LHFPL6: variants seen among roughly 807,000 people sequenced by gnomAD.
The protein encoded by LHFPL6 is LHFPL tetraspan subfamily member 6.
LHFPL6 carries 9 observed loss-of-function variants against 20.6 expected under a neutral mutation model. The ratio of observed to expected loss-of-function variants is 0.44; its 90% CI spans 0.26 to 0.76. LHFPL6 has a LOEUF of 0.76. LHFPL6 is among the 30% of genes least tolerant of loss of function. The pLI, the probability that LHFPL6 is intolerant of heterozygous loss-of-function variation, is 0.20. For missense variants in LHFPL6, 218 were observed against 253.5 expected (o/e 0.86, Z 0.95); for synonymous variants, 105 against 98.7 (o/e 1.06, Z -0.38).
chr13:39,548,611 A>T (rs1011472089), intron 2 of LHFPL6, among the ~76,000 whole-genome samples: 2 of 152,096 alleles, frequency 1.3e-5, no homozygotes, highest in Non-Finnish European at 2.9e-5. Context: ...CATGTCCAAA[A>T]TCATAATGCA....
intron 2 of LHFPL6, among the ~76,000 whole-genome samples, chr13:39,556,973 T>A (rs1871324282): frequency 6.6e-6 from 1 of 152,048 alleles, no homozygotes; most frequent in African/African-American, 2.4e-5. Context: ...AAATAAATAA[T>A]AAATAAATAA....
intron 2 of LHFPL6, among the ~76,000 whole-genome samples, chr13:39,503,708 T>C (rs1475176): frequency 0.31 from 47,676 of 152,094 alleles, 7,967 homozygotes; most frequent in Middle Eastern, 0.42. Flanking sequence ...AACCTTACTA[T>C]GTCTGTACAC....
At chr13:39,567,314 A>G (rs1367583297) in intron 2 of LHFPL6, among the ~76,000 whole-genome samples, 1 of 152,234 alleles carries the variant, frequency 6.6e-6, no homozygotes, top group Non-Finnish European at 1.5e-5. Flanking sequence ...ATTTTTTCTG[A>G]TAGCCAATAC....
intron 2 of LHFPL6, among the ~76,000 whole-genome samples, chr13:39,463,788 C>T (rs936610226): frequency 7.2e-5 from 11 of 152,152 alleles, no homozygotes; most frequent in African/African-American, 2.7e-4. Flanking sequence ...TATGTTGCAG[C>T]ACACTCATGC....
chr13:39,581,324 A>G (rs2138539312), intron 2 of LHFPL6, among the ~76,000 whole-genome samples: 1 of 152,292 alleles, frequency 6.6e-6, no homozygotes, highest in South Asian at 2.1e-4. Context: ...AATGTACATC[A>G]AAAGGTGCCA....
At chr13:39,520,380 A>C (rs555910669) in intron 2 of LHFPL6, among the ~76,000 whole-genome samples, 2 of 152,200 alleles carry the variant, frequency 1.3e-5, no homozygotes, top group East Asian at 3.9e-4. Flanking sequence ...CAACCCAAAC[A>C]AGAGTGTGTC....
At chr13:39,532,319 G>A (rs1870491779) in intron 2 of LHFPL6, among the ~76,000 whole-genome samples, 1 of 152,020 alleles carries the variant, frequency 6.6e-6, no homozygotes, top group Non-Finnish European at 1.5e-5. Context: ...CCCAACTGAT[G>A]TTTTCCATCT....
intron 3 of LHFPL6, among the ~76,000 whole-genome samples, chr13:39,354,559 A>G (rs1869677752): frequency 6.6e-6 from 1 of 152,182 alleles, no homozygotes; most frequent in Admixed American, 6.5e-5. Flanking sequence ...CTCAAATAAC[A>G]GACACAGAAT....
intron 2 of LHFPL6, among the ~76,000 whole-genome samples, chr13:39,453,886 T>G (rs1315305331): frequency 6.6e-6 from 1 of 152,206 alleles, no homozygotes; most frequent in Middle Eastern, 3.2e-3. Flanking sequence ...TCAATGCAGT[T>G]CTAGCCCATC....
At chr13:39,353,455 G>A (rs965315317) in intron 3 of LHFPL6, among the ~76,000 whole-genome samples, 5 of 151,920 alleles carry the variant, frequency 3.3e-5, no homozygotes, top group African/African-American at 9.7e-5. Flanking sequence ...GGCCGGGCGC[G>A]GTGGCTCATG....
intron 2 of LHFPL6, among the ~76,000 whole-genome samples, chr13:39,443,290 C>A (rs1872189233): frequency 6.6e-6 from 1 of 152,066 alleles, no homozygotes; most frequent in Non-Finnish European, 1.5e-5. Flanking sequence ...GCAAGAAGAC[C>A]CTCACAAGAT....
chr13:39,441,539 G>T (rs906243821), intron 2 of LHFPL6, among the ~76,000 whole-genome samples: 1 of 151,820 alleles, frequency 6.6e-6, no homozygotes, highest in Non-Finnish European at 1.5e-5. Flanking sequence ...TTGAGACAGG[G>T]TCTCACTTTG....
At chr13:39,544,831 T>C (rs1382573905) in intron 2 of LHFPL6, among the ~76,000 whole-genome samples, 1 of 152,102 alleles carries the variant, frequency 6.6e-6, no homozygotes, top group Non-Finnish European at 1.5e-5. Flanking sequence ...ATGGCTAATT[T>C]TGCATTGTTC....
At chr13:39,569,409 T>C (rs1222412759) in intron 2 of LHFPL6, among the ~76,000 whole-genome samples, 1 of 152,180 alleles carries the variant, frequency 6.6e-6, no homozygotes. Flanking sequence ...CATCAATCTA[T>C]TGGTCTCATT....
rs188741765 is a variant in LHFPL6 at position 39,560,796 on chromosome 13, T to G, written c.385+40036A>C. Among the ~76,000 whole-genome samples, 9 of 152,296 alleles carry G rather than the reference T, an allele frequency of 5.9e-5. No individual in the cohort carries two copies. In the East Asian group the frequency reaches 1.7e-3, roughly 30 times the overall value. Reference sequence around the variant, plus strand: ...TCCCAAAGTGCTAGGATTACAGGCGTGAGCCACCGCGCCCTGCTGGGTTAT... The same window carrying G: ...TCCCAAAGTGCTAGGATTACAGGCGGGAGCCACCGCGCCCTGCTGGGTTAT... On this transcript the variant is annotated intron_variant, in intron 2 of 3. Coordinates refer to ENST00000379589, the MANE Select transcript of LHFPL6 (RefSeq NM_005780.3).
chr13:39,344,164 G>T (rs1268881488), intron 3 of LHFPL6, 110 bp from the exon 4 acceptor site: 4 of 744,470 alleles, frequency 5.4e-6, no homozygotes, highest in Non-Finnish European at 8.9e-6. Flanking sequence ...TAGGAATATG[G>T]TATCCTCGCT....
At chr13:39,497,334 A>G (rs558932221) in intron 2 of LHFPL6, among the ~76,000 whole-genome samples, 1 of 152,322 alleles carries the variant, frequency 6.6e-6, no homozygotes, top group East Asian at 1.9e-4. Flanking sequence ...GAAAGAGCTG[A>G]TTTTATTCTC....
chr13:39,532,027 C>T lies in LHFPL6; in HGVS notation c.385+68805G>A, dbSNP rs544493379. Among the ~76,000 whole-genome samples the T allele has an allele frequency of 2.0e-5, 3 of 152,278 alleles. No homozygotes were observed. In the South Asian group the frequency reaches 6.2e-4, roughly 32 times the overall value. On this transcript the variant is annotated intron_variant, in intron 2 of 3. Transcript: ENST00000379589. ...AAGCCACATTTCAGCTGTATGCAAA[C>T]TATAATGCCAACAGCAGGAATGTAA...
chr13:39,451,381 T>C (rs1872440516), intron 2 of LHFPL6, among the ~76,000 whole-genome samples: 1 of 152,212 alleles, frequency 6.6e-6, no homozygotes, highest in Non-Finnish European at 1.5e-5. Flanking sequence ...AGTAAATTTA[T>C]TTCCAAGCTG....
Sources: allele counts gnomAD v4.1 joint callset (sites outside exome capture counted in the v4.1 genomes callset), GRCh38; gene constraint gnomAD v4.1.1; transcripts MANE v1.5; gene names NCBI Gene and HGNC (gene_info 2026-07-23, HGNC 2026-07-21).